Variants in PSME4 observed in about 807,000 individuals in gnomAD.
The protein encoded by PSME4 is proteasome activator subunit 4.
A neutral mutation model predicts 253.9 loss-of-function variants in PSME4; 89 were observed. The ratio of observed to expected loss-of-function variants is 0.35; its 90% CI spans 0.30 to 0.42. The LOEUF is 0.42. PSME4 is among the 10% of genes least tolerant of loss of function. The probability of loss-of-function intolerance (pLI) is 1.00; values close to 1 mark genes in which losing one functional copy is unlikely to be tolerated. For missense variants in PSME4, 2,014 were observed against 2,195.2 expected (o/e 0.92, Z 1.65); for synonymous variants, 851 against 759.2 (o/e 1.12, Z -1.99).
At chr2:53,917,972 C>T (rs1161869891) in intron 20 of PSME4, among the ~76,000 whole-genome samples, 1 of 152,164 alleles carries the variant, frequency 6.6e-6, no homozygotes, top group East Asian at 1.9e-4. Context: ...TGAAATGACC[C>T]TAACTTCTCC....
At chr2:53,938,183 C>T (rs1669210121) in intron 4 of PSME4, among the ~76,000 whole-genome samples, 1 of 151,974 alleles carries the variant, frequency 6.6e-6, no homozygotes, top group African/African-American at 2.4e-5. Flanking sequence ...AAAATCTTGT[C>T]AAAAAGAATC....
chr2:53,960,290 T>C (rs900016434), intron 1 of PSME4, among the ~76,000 whole-genome samples: 1 of 151,736 alleles, frequency 6.6e-6, no homozygotes, highest in African/African-American at 2.4e-5. Flanking sequence ...TCCTAGCTTC[T>C]TGGGAGGCTG....
intron 35 of PSME4, among the ~76,000 whole-genome samples, chr2:53,893,327 C>A (rs1679995195): frequency 6.6e-6 from 1 of 151,962 alleles, no homozygotes; most frequent in African/African-American, 2.4e-5. Flanking sequence ...TTTCAAGATC[C>A]CCACCCCAAA....
At chr2:53,958,674 A>C (rs191421254) in intron 1 of PSME4, among the ~76,000 whole-genome samples, 57 of 152,326 alleles carry the variant, frequency 3.7e-4, no homozygotes, top group Middle Eastern at 3.4e-3. Flanking sequence ...TCAAAAGAAT[A>C]GGTAACAAAA....
At chr2:53,961,740 T>G (rs1300458640) in intron 1 of PSME4, among the ~76,000 whole-genome samples, 4 of 152,172 alleles carry the variant, frequency 2.6e-5, no homozygotes, top group Non-Finnish European at 5.9e-5. Flanking sequence ...GAAACAGCAC[T>G]TCAACATAAA....
At chr2:53,933,064 A>G (rs913456772) in intron 8 of PSME4, 6 of 229,404 alleles carry the variant, frequency 2.6e-5, no homozygotes, top group Non-Finnish European at 4.3e-5. Flanking sequence ...TAACCTGGAT[A>G]CTAAAATTTA....
intron 41 of PSME4, among the ~76,000 whole-genome samples, chr2:53,881,964 C>T (rs1679409439): frequency 6.6e-6 from 1 of 151,912 alleles, no homozygotes; most frequent in Non-Finnish European, 1.5e-5. Flanking sequence ...AAAACCTCTT[C>T]CTTTAATCTT....
intron 42 of PSME4, among the ~76,000 whole-genome samples, 167 bp from the exon 43 acceptor site, chr2:53,874,661 C>CT (rs1333893987): frequency 2.0e-5 from 3 of 152,188 alleles, no homozygotes; most frequent in Non-Finnish European, 4.4e-5. Flanking sequence ...TTGAATGAGG[C>CT]TGGGCACAGT....
chr2:53,888,292 C>T, intron 38 of PSME4: 2 of 248,298 alleles, frequency 8.1e-6, no homozygotes, highest in Non-Finnish European at 1.5e-5. Flanking sequence ...AGTGCTTCTT[C>T]TTTTTAATGA....
intron 3 of PSME4, among the ~76,000 whole-genome samples, chr2:53,945,395 A>G (rs574668525): frequency 6.6e-6 from 1 of 152,318 alleles, no homozygotes; most frequent in East Asian, 1.9e-4. Flanking sequence ...AATAAAAAAC[A>G]CTACCAATTC....
At chr2:53,953,132 C>T (rs1211573204) in intron 1 of PSME4, among the ~76,000 whole-genome samples, 3 of 152,136 alleles carry the variant, frequency 2.0e-5, no homozygotes, top group Non-Finnish European at 4.4e-5. Context: ...CCTCGCCAAC[C>T]AGCAAGTGGT....
intron 3 of PSME4, among the ~76,000 whole-genome samples, chr2:53,941,552 T>C (rs575161387): frequency 1.3e-5 from 2 of 152,182 alleles, no homozygotes; most frequent in Admixed American, 6.5e-5. Context: ...TCTGCTCATA[T>C]ATATTTATAC....
intron 20 of PSME4, among the ~76,000 whole-genome samples, chr2:53,916,268 G>A (rs1490542803): frequency 7.0e-6 from 1 of 143,752 alleles, no homozygotes; most frequent in Non-Finnish European, 1.5e-5. Context: ...AAAATCTTAT[G>A]AATTGCTATG....
intron 1 of PSME4, among the ~76,000 whole-genome samples, chr2:53,964,213 A>G (rs1670616299): frequency 1.3e-5 from 2 of 152,198 alleles, no homozygotes; most frequent in Admixed American, 1.3e-4. Flanking sequence ...AAAAAAAAGT[A>G]TATGTGTGAC....
chr2:53,909,984 C>T, intron 21 of PSME4, 91 bp downstream of exon 21: 1 of 1,130,832 alleles, frequency 8.8e-7, no homozygotes, highest in Non-Finnish European at 1.3e-6. Flanking sequence ...CAAAACAAAA[C>T]AAAAACACTA....
At chr2:53,869,574 C>T in intron 43 of PSME4, 36 bp from the exon 44 acceptor site, 1 of 1,434,066 alleles carries the variant, frequency 7.0e-7, no homozygotes. Context: ...GACTGACATT[C>T]TAAGTCTGAG....
chr2:53,866,247 C>A (rs371259233), intron 45 of PSME4, 24 bp from the exon 46 acceptor site: 10 of 1,611,572 alleles, frequency 6.2e-6, no homozygotes, highest in Non-Finnish European at 7.6e-6. Context: ...AACCCACATA[C>A]GTTTTAACCT....
chr2:53,908,044 A>G, intron 24 of PSME4: 3 of 336,632 alleles, frequency 8.9e-6, no homozygotes, highest in Non-Finnish European at 1.6e-5. Context: ...AATTCCTTCA[A>G]GTTCTTACAA....
At position 53,865,368 on chromosome 2, in the gene PSME4, T is replaced by C. The variant is rs577697358; in HGVS notation, c.*210A>G. The C allele has an allele frequency of 6.6e-6, 1 of 151,498 alleles. No homozygotes were observed. Among genetic ancestry groups the C allele is most frequent in the East Asian group, 1.9e-4 (1 of 5,158 alleles). 9.4% of individuals were successfully genotyped at this position (151,498 alleles called of 1,614,324 possible). Reference sequence around the variant, plus strand: ...TGCCTCAAAAAAAAAAAGTGATCAGTATTCTGGAAACACTTCCGGACAAGT... The same window carrying C: ...TGCCTCAAAAAAAAAAAGTGATCAGCATTCTGGAAACACTTCCGGACAAGT... On this transcript the variant is annotated 3_prime_UTR_variant, in exon 47 of 47. Transcript: ENST00000404125.
Sources: allele counts gnomAD v4.1 joint callset (sites outside exome capture counted in the v4.1 genomes callset), GRCh38; gene constraint gnomAD v4.1.1; transcripts MANE v1.5; gene names NCBI Gene and HGNC (gene_info 2026-07-23, HGNC 2026-07-21).